Variants in TTN observed in about 807,000 individuals in gnomAD.
TTN encodes the protein titin, also known as connectin.
TTN carries 1,525 observed loss-of-function variants against 3,223.0 expected under a neutral mutation model. The ratio of observed to expected loss-of-function variants is 0.47; its 90% CI spans 0.45 to 0.49. The LOEUF is 0.49. TTN is among the 20% of genes least tolerant of loss of function. TTN has a pLI of 0.00. For missense variants in TTN, 40,786 were observed against 43,424.0 expected (o/e 0.94, Z 5.40); for synonymous variants, 14,094 against 15,161.0 (o/e 0.93, Z 5.17).
rs376846228 is a variant in TTN at position 178,729,476 on chromosome 2, G to A, written c.18680C>T (p.Pro6227Leu). The A allele has an allele frequency of 8.1e-6, 13 of 1,613,412 alleles. No homozygotes were observed. Among genetic ancestry groups the A allele is most frequent in the African/African-American group, 6.7e-5 (5 of 74,858 alleles). The change falls in exon 64 of 363, where the codon CCG (proline) becomes CTG (leucine). Residue 6227 changes from proline to leucine, a missense_variant. Pro to Leu is a moderately conservative substitution (Grantham distance 98). Coordinates refer to ENST00000589042, the MANE Select transcript of TTN (RefSeq NM_001267550.2). ...ELECEVTGTP[P>L]FEVTWLKNNR... ...ATTCTTCAGCCAAGTGACTTCAAAC[G>A]GAGGTGTTCCCGTAACTTCACACTC...
chr2:178,624,391 AGTGTT>A, intron 242 of TTN, 69 bp downstream of exon 242: 2 of 1,589,504 alleles, frequency 1.3e-6, no homozygotes, highest in Admixed American at 1.8e-5. Flanking sequence ...GCATGCAAAA[AGTGTT>A]GTGTTGTTTT....
rs750516813 is a variant in TTN at position 178,663,656 on chromosome 2, G to A, written c.36503C>T (p.Pro12168Leu). Residue 12168 changes from proline to leucine, a missense_variant, in exon 171 of 363, where the codon CCT becomes CTT. Transcript: ENST00000589042. The stretch of plus-strand genomic sequence containing the variant: ...AACAGGTGGGACTTCAGGCTCTTTA[G>A]GAGGAGCCACTGGCGCTTTCTTTTC... ...VPEKKAPVAP[P>L]KEPEVPPVKV... The A allele has an allele frequency of 4.6e-5, 74 of 1,613,550 alleles. No individual in the cohort carries two copies. The highest frequency in any genetic ancestry group is 6.0e-5 in the Non-Finnish European group (71 of 1,179,764).
chr2:178,527,372 A>G (rs1686901063), intron 362 of TTN, 65 bp from the exon 363 acceptor site: 7 of 1,569,850 alleles, frequency 4.5e-6, no homozygotes, highest in Non-Finnish European at 4.3e-6. Flanking sequence ...TTTGCTTTCT[A>G]CTGAATTGTG....
rs751337482 is a variant in TTN, at chr2:178,580,073, G to A, written c.67214C>T (p.Thr22405Ile). 2 of 1,613,348 alleles carry A rather than the reference G, an allele frequency of 1.2e-6. No individual in the cohort carries two copies. Among genetic ancestry groups the A allele is most frequent in the South Asian group, 2.2e-5 (2 of 91,070 alleles). Residue 22405 changes from threonine (T) to isoleucine (I), a missense_variant, in exon 318 of 363, where the codon ACA becomes ATA. Thr to Ile is a moderately conservative substitution (Grantham distance 89). Coordinates refer to ENST00000589042, the MANE Select transcript of TTN (RefSeq NM_001267550.2). ...GAAGCTTGTTTTGGAGCACTCAGTT[G>A]TCACTGTAGACCAGGATTTCCTCTC... ...DAERKSWSTV[T>I]TECSKTSFRV...
rs2154184657 is a variant in TTN, at chr2:178,590,888, C to G, written c.60837G>C (p.Val20279=). ...CTGCATTTTCAGTAATGTCAGTAACCACTGGTTTACCAGGAGGAGACGGAG... is the reference window on the plus strand; with the variant it reads ...CTGCATTTTCAGTAATGTCAGTAACGACTGGTTTACCAGGAGGAGACGGAG... ...FSPPSPPGKP[V]VTDITENAAT... Residue 20279 remains valine (V), a synonymous_variant, in exon 304 of 363, where the codon GTG becomes GTC. Coordinates refer to ENST00000589042, the MANE Select transcript of TTN (RefSeq NM_001267550.2). 2 of 1,611,398 alleles carry G rather than the reference C, an allele frequency of 1.2e-6. No individual in the cohort carries two copies. Among genetic ancestry groups the G allele is most frequent in the South Asian group, 1.1e-5 (1 of 90,996 alleles).
At chr2:178,681,318 A>G in intron 137 of TTN, 58 bp downstream of exon 137, 2 of 1,520,654 alleles carry the variant, frequency 1.3e-6, no homozygotes, top group Admixed American at 1.8e-5. Flanking sequence ...CTAGGAAGAC[A>G]TGATTTTAGA....
intron 213 of TTN, 121 bp downstream of exon 213, chr2:178,649,127 C>G (rs1166966575): frequency 2.6e-6 from 2 of 775,262 alleles, no homozygotes; most frequent in African/African-American, 1.9e-5. Context: ...CATTATTTCC[C>G]TTTTTTCTGT....
Position 178,592,525 on chromosome 2 carries a change from G to A in TTN, c.59480C>T (p.Ala19827Val). 1 of 1,613,504 alleles carries A rather than the reference G, an allele frequency of 6.2e-7. No individual in the cohort carries two copies. Among genetic ancestry groups the A allele is most frequent in the Non-Finnish European group, 8.5e-7 (1 of 1,179,594 alleles). Residue 19827 changes from alanine (A) to valine (V), a missense_variant, in exon 301 of 363, where the codon GCT becomes GTT. Coordinates refer to ENST00000589042, the MANE Select transcript of TTN (RefSeq NM_001267550.2). ...CACATCAATTCTTGCTTTAGTTGGA[G>A]CATCTCTGTCTTCTTTTTTCCAAGT... ...KVTWKKEDRD[A>V]PTKARIDVTP...
intron 304 of TTN, 81 bp downstream of exon 304, chr2:178,588,457 T>G (rs920870213): frequency 1.8e-5 from 25 of 1,413,824 alleles, no homozygotes; most frequent in Non-Finnish European, 1.2e-5. Context: ...GATTTAGATG[T>G]TACATTAACT....
chr2:178,764,403 CT>C (rs2089986649), intron 42 of TTN, 101 bp from the exon 43 acceptor site: 1 of 1,610,732 alleles, frequency 6.2e-7, no homozygotes, highest in Non-Finnish European at 8.5e-7. Context: ...CTGCAGAGTG[CT>C]TTCAAAGTTG....
Position 178,749,645 on chromosome 2 carries a change from G to T in TTN, c.11311+3479C>A, listed in dbSNP as rs747294435. Reference sequence around the variant, plus strand: ...TTCGAATTGACTATTTTCTCTATAAGTGACAGGCTCCACTGTTAGATCTGA... The same window carrying T: ...TTCGAATTGACTATTTTCTCTATAATTGACAGGCTCCACTGTTAGATCTGA... On this transcript the variant is annotated intron_variant, in intron 47 of 362. Coordinates refer to ENST00000589042, the MANE Select transcript of TTN (RefSeq NM_001267550.2). 4.3e-6 allele frequency: 7 copies of T among 1,612,532 alleles called. No homozygotes were observed. The African/African-American group carries it at 9.4e-5, about 22-fold the overall frequency.
Position 178,781,245 on chromosome 2 carries a change from G to A in TTN, c.3399C>T (p.Asn1133=). 1 of 1,613,970 alleles carries A rather than the reference G, an allele frequency of 6.2e-7. No homozygotes were observed. The highest frequency in any genetic ancestry group is 8.5e-7 in the Non-Finnish European group (1 of 1,179,910). The change falls in exon 21 of 363, where the codon AAC becomes AAT. Residue 1133 remains asparagine (N), a synonymous_variant. Coordinates refer to ENST00000589042, the MANE Select transcript of TTN (RefSeq NM_001267550.2). ...TTGYRYKVSY[N]KQTGECKLVI... ...CCAGCTTGCATTCACCGGTTTGTTTGTTGTAACTCACTTTGTATCTTTATG... is the reference window on the plus strand; with the variant it reads ...CCAGCTTGCATTCACCGGTTTGTTTATTGTAACTCACTTTGTATCTTTATG...
chr2:178,566,332 T>A lies in TTN; in HGVS notation c.79800A>T (p.Lys26600Asn). The stretch of plus-strand genomic sequence containing the variant: ...ATCCACCAGCTCTTACAACAATTCC[T>A]TTTCTTAATTCGGAGTCAAGGTCAA... ...PELDLDSELR[K>N]GIVVRAGGSA... The change falls in exon 326 of 363, where the codon AAA becomes AAT. Residue 26600 changes from lysine to asparagine, a missense_variant. Lys to Asn is a moderately conservative substitution (Grantham distance 94, BLOSUM62 0). Coordinates refer to ENST00000589042, the MANE Select transcript of TTN (RefSeq NM_001267550.2). The A allele has an allele frequency of 6.2e-7, 1 of 1,613,576 alleles. No homozygotes were observed. The highest frequency in any genetic ancestry group is 8.5e-7 in the Non-Finnish European group (1 of 1,179,670).
intron 15 of TTN, among the ~76,000 whole-genome samples, chr2:178,785,098 A>G (rs1450773240): frequency 2.0e-5 from 3 of 152,170 alleles, no homozygotes; most frequent in African/African-American, 7.2e-5. Flanking sequence ...TATAAGGGAG[A>G]AGATAGGGCA....
Position 178,572,617 on chromosome 2 carries a change from T to C in TTN, c.73515A>G (p.Ser24505=). Residue 24505 remains serine, a synonymous_variant, in exon 326 of 363, where the codon TCA becomes TCG. Transcript: ENST00000589042. ...GKYILTVENS[S]GSKSAFVNVR... is the part of the protein sequence containing the mutation. ...CATTGACAAATGCAGACTTGCTGCC[T>C]GAACTATTTTCTACAGTTAGTATAT... The C allele has an allele frequency of 6.2e-7, 1 of 1,613,252 alleles. No individual in the cohort carries two copies. The highest frequency in any genetic ancestry group is 1.7e-5 in the Admixed American group (1 of 59,964).
At chr2:178,692,231 G>T (rs1441975807) in intron 120 of TTN, 132 bp from the exon 121 acceptor site, 2 of 918,188 alleles carry the variant, frequency 2.2e-6, no homozygotes, top group African/African-American at 3.3e-5. Context: ...GCCTACTTGT[G>T]GTAGAAATGA....
At position 178,689,003 on chromosome 2, in the gene TTN, A is replaced by ATTTTTTTTTTTTTTTT; in HGVS notation, c.32095+34_32095+49dup. 4.0e-6 allele frequency: 4 copies of ATTTTTTTTTTTTTTTT among 1,005,942 alleles called. 1 individual carries two copies. The highest frequency in any genetic ancestry group is 4.4e-5 in the African/African-American group (2 of 45,582). 62.3% of individuals were successfully genotyped at this position (1,005,942 alleles called of 1,614,324 possible). A position where few individuals can be genotyped will look rare whatever the true frequency, so the allele number is the denominator to read the frequency against. Reference sequence around the variant, plus strand: ...AAGCAAGAATTTAACACACTCGAAGATTTTTTTTTTTTTTTTTTTTTTTTG... The same window carrying ATTTTTTTTTTTTTTTT: ...AAGCAAGAATTTAACACACTCGAAGATTTTTTTTTTTTTTTTTTTTTTTTTTTTTTTTTTTTTTTTG... On this transcript the variant is annotated intron_variant, in intron 125 of 362. Coordinates refer to ENST00000589042, the MANE Select transcript of TTN (RefSeq NM_001267550.2).
rs1460058414 is a variant in TTN, at chr2:178,611,387, C to T, written c.50842G>A (p.Ala16948Thr). 4 of 1,612,618 alleles carry T rather than the reference C, an allele frequency of 2.5e-6. No individual in the cohort carries two copies. Among genetic ancestry groups the T allele is most frequent in the Non-Finnish European group, 3.4e-6 (4 of 1,179,274 alleles). Residue 16948 changes from alanine (A) to threonine (T), a missense_variant, in exon 269 of 363, where the codon GCC becomes ACC. Ala to Thr is a moderately conservative substitution (Grantham distance 58). Transcript: ENST00000589042. ...GTGCTCTTACAGTCTGGGTCTTTGGCAACCACATTTTCAGAGATTTCAGAT... is the reference window on the plus strand; with the variant it reads ...GTGCTCTTACAGTCTGGGTCTTTGGTAACCACATTTTCAGAGATTTCAGAT... ...EPSEISENVVAKDPDCKPTID... is the reference protein window; with the variant it reads ...EPSEISENVVTKDPDCKPTID...
rs2057451095 is a variant in TTN, at chr2:178,616,988, T to C, written c.47901A>G (p.Ala15967=). 1 of 1,612,618 alleles carries C rather than the reference T, an allele frequency of 6.2e-7. No individual in the cohort carries two copies. Among genetic ancestry groups the C allele is most frequent in the East Asian group, 2.2e-5 (1 of 44,732 alleles). The part of the protein sequence containing the change: ...AFVEPTMDLS[A]FKDGLEVIVP... ...CAATAACTTCCAGACCATCTTTAAATGCACTTAAATCCATTGTTGGTTCAA... is the reference window on the plus strand; with the variant it reads ...CAATAACTTCCAGACCATCTTTAAACGCACTTAAATCCATTGTTGGTTCAA... Residue 15967 remains alanine (A), a synonymous_variant, in exon 256 of 363, where the codon GCA becomes GCG. Coordinates refer to ENST00000589042, the MANE Select transcript of TTN (RefSeq NM_001267550.2).
Sources: gnomAD v4.1 joint callset for allele counts (sites outside exome capture counted in the v4.1 genomes callset) on GRCh38, gnomAD v4.1.1 for gene constraint, MANE v1.5 for transcripts, NCBI Gene and HGNC (gene_info 2026-07-23, HGNC 2026-07-21) for gene names.